Variants in TM4SF4 observed in about 807,000 individuals in gnomAD.
TM4SF4 encodes transmembrane 4 L six family member 4, also known as transmembrane 4 L6 family member 4.
Under a neutral mutation model 24.1 loss-of-function variants are expected in TM4SF4, and 24 were observed. That is an observed-to-expected ratio of 1.00 (90% CI 0.72 to 1.40). The LOEUF is 1.40. Among genes scored for constraint, TM4SF4 ranks in the 40% most tolerant of loss-of-function variants. The pLI is 0.00. For synonymous variants in TM4SF4, 113 were observed against 97.0 expected (o/e 1.17, Z -0.97); for missense variants, 254 against 254.2 (o/e 1.00, Z 0.01).
intron 2 of TM4SF4, among the ~76,000 whole-genome samples, chr3:149,485,521 G>A (rs1290234694): frequency 6.6e-6 from 1 of 152,194 alleles, no homozygotes. Context: ...GATAAGCTAG[G>A]AAGAAGGAAA....
At chr3:149,480,563 C>G (rs1316049138) in intron 2 of TM4SF4, among the ~76,000 whole-genome samples, 2 of 152,134 alleles carry the variant, frequency 1.3e-5, no homozygotes, top group Non-Finnish European at 2.9e-5. Context: ...TTGTGGTCAG[C>G]ACTTCTTCCC....
chr3:149,490,488 A>C (rs1436687853), intron 3 of TM4SF4, among the ~76,000 whole-genome samples: 1 of 152,230 alleles, frequency 6.6e-6, no homozygotes, highest in African/African-American at 2.4e-5. Flanking sequence ...CAAGGCCCAG[A>C]GAGGACAAGT....
At chr3:149,482,514 C>T (rs1361365115) in intron 2 of TM4SF4, among the ~76,000 whole-genome samples, 1 of 152,128 alleles carries the variant, frequency 6.6e-6, no homozygotes, top group Admixed American at 6.6e-5. Flanking sequence ...AGTGTCTACC[C>T]TCTAATGTAC....
chr3:149,491,578 T>TACACACACACACATATATATATAC (rs113029174), intron 3 of TM4SF4, among the ~76,000 whole-genome samples: 2 of 152,078 alleles, frequency 1.3e-5, no homozygotes, highest in Non-Finnish European at 2.9e-5. Flanking sequence ...TACATATATA[T>TACACACACACACATATATATATAC]ACACACACAC....
chr3:149,485,500 C>T lies in TM4SF4; in HGVS notation c.265-2119C>T, dbSNP rs73867347. 5.8e-3 allele frequency among the ~76,000 whole-genome samples: 882 copies of T among 152,288 alleles called. 10 individuals carry two copies. The highest frequency in any genetic ancestry group is 0.02 in the African/African-American group (825 of 41,556). On this transcript the variant is annotated intron_variant, in intron 2 of 4. Transcript: ENST00000305354. ...TTGAAAACATGCAACAAGTCATTATCCAGTGCCTTTGATAAGCTAGGAAGA... is the reference window on the plus strand; with the variant it reads ...TTGAAAACATGCAACAAGTCATTATTCAGTGCCTTTGATAAGCTAGGAAGA...
chr3:149,486,411 G>A (rs574800911), intron 2 of TM4SF4, among the ~76,000 whole-genome samples: 15 of 152,266 alleles, frequency 9.9e-5, no homozygotes, highest in South Asian at 2.1e-4. Flanking sequence ...CCTGTGCTTC[G>A]TCATCAAAGC....
chr3:149,485,017 T>G (rs1241230684), intron 2 of TM4SF4, among the ~76,000 whole-genome samples: 2 of 152,218 alleles, frequency 1.3e-5, no homozygotes, highest in African/African-American at 2.4e-5. Context: ...TGTTTCTGAC[T>G]GATGTCTTCT....
intron 3 of TM4SF4, chr3:149,494,680 T>C (rs1734279246): frequency 6.6e-6 from 1 of 152,440 alleles, no homozygotes; most frequent in African/African-American, 2.4e-5. Flanking sequence ...AAAGGATTCA[T>C]ATCAATATCG....
chr3:149,481,692 G>A (rs1283757062), intron 2 of TM4SF4, among the ~76,000 whole-genome samples: 3 of 152,130 alleles, frequency 2.0e-5, no homozygotes, highest in African/African-American at 7.2e-5. Flanking sequence ...GGATCTGATG[G>A]TACCTGTCTG....
intron 1 of TM4SF4, 82 bp from the exon 2 acceptor site, chr3:149,475,741 T>C (rs1017263402): frequency 5.0e-6 from 6 of 1,189,932 alleles, no homozygotes; most frequent in Non-Finnish European, 6.1e-6. Context: ...TCATTGTGGA[T>C]GGGGCTCCTT....
intron 4 of TM4SF4, among the ~76,000 whole-genome samples, chr3:149,499,233 A>T (rs1734371726): frequency 6.6e-6 from 1 of 152,232 alleles, no homozygotes; most frequent in East Asian, 1.9e-4. Context: ...AATGATGTTT[A>T]TATGAAGATC....
chr3:149,481,796 G>T (rs889147138), intron 2 of TM4SF4, among the ~76,000 whole-genome samples: 2 of 152,128 alleles, frequency 1.3e-5, no homozygotes, highest in Non-Finnish European at 2.9e-5. Context: ...CTCTTTCAAG[G>T]GAAACATTTG....
rs373862983 is a variant in TM4SF4, at chr3:149,498,850, A to G, written c.530A>G (p.Gln177Arg). ...GGIQMVLCAI[Q>R]VVNGLLGTLC... ...ATCCAGATGGTTCTCTGCGCCATCC[A>G]GGTGGTCAATGGCCTCCTGGGGACC... The change falls in exon 4 of 5, where the codon CAG becomes CGG. Residue 177 changes from glutamine (Q) to arginine (R), a missense_variant. Transcript: ENST00000305354. 1.9e-6 allele frequency: 3 copies of G among 1,613,990 alleles called. No individual in the cohort carries two copies. Among genetic ancestry groups the G allele is most frequent in the South Asian group, 2.2e-5 (2 of 91,084 alleles).
intron 2 of TM4SF4, among the ~76,000 whole-genome samples, chr3:149,485,743 A>C (rs1246607470): frequency 6.6e-6 from 1 of 152,192 alleles, no homozygotes; most frequent in Non-Finnish European, 1.5e-5. Flanking sequence ...GCAGTGAACC[A>C]CGATTGCACC....
intron 2 of TM4SF4, among the ~76,000 whole-genome samples, chr3:149,478,542 G>A (rs956948887): frequency 8.5e-5 from 13 of 152,228 alleles, no homozygotes; most frequent in African/African-American, 3.1e-4. Context: ...TGTCTGTGGG[G>A]GCTGTCTAAG....
chr3:149,475,980 A>G (rs1469685446), intron 2 of TM4SF4, 68 bp downstream of exon 2: 5 of 1,359,430 alleles, frequency 3.7e-6, no homozygotes, highest in Non-Finnish European at 5.2e-6. Flanking sequence ...GCTGGGCAGC[A>G]TGGGGATGGA....
intron 2 of TM4SF4, among the ~76,000 whole-genome samples, chr3:149,477,289 A>T (rs936558762): frequency 1.3e-5 from 2 of 152,208 alleles, no homozygotes; most frequent in Non-Finnish European, 2.9e-5. Context: ...AAAAAATATT[A>T]AGAGTTAGAT....
intron 2 of TM4SF4, among the ~76,000 whole-genome samples, chr3:149,484,385 A>T (rs1337095948): frequency 2.0e-5 from 3 of 151,934 alleles, no homozygotes; most frequent in Non-Finnish European, 4.4e-5. Flanking sequence ...TTATTTATTT[A>T]TTTATTTTAT....
intron 4 of TM4SF4, 70 bp from the exon 5 acceptor site, chr3:149,502,606 G>C: frequency 9.7e-7 from 1 of 1,035,866 alleles, no homozygotes; most frequent in East Asian, 2.4e-5. Flanking sequence ...ATGGGGATGG[G>C]AAGGAGGGGA....
Sources: gnomAD v4.1 joint callset for allele counts (sites outside exome capture counted in the v4.1 genomes callset) on GRCh38, gnomAD v4.1.1 for gene constraint, MANE v1.5 for transcripts, NCBI Gene and HGNC (gene_info 2026-07-23, HGNC 2026-07-21) for gene names.